The following PCM1 variants were observed in gnomAD, a reference collection of about 807,000 sequenced individuals.
PCM1 encodes pericentriolar material 1 protein.
In PCM1, 157 loss-of-function variants were observed where a neutral mutation model predicts 241.9. The observed-to-expected ratio is 0.65, with a 90% CI of 0.57 to 0.74. The LOEUF (loss-of-function observed/expected upper bound fraction) is 0.74, where lower values mean the gene tolerates loss of function less well. Ranked by LOEUF, PCM1 falls within the 30% of genes least tolerant of loss-of-function variation. The pLI, the probability that PCM1 is intolerant of heterozygous loss-of-function variation, is 0.00. For missense variants in PCM1, 3,478 were observed against 2,360.1 expected, an observed-to-expected ratio of 1.47 and a Z score of -9.81; for synonymous variants, 1,085 against 784.9, an observed-to-expected ratio of 1.38 and a Z score of -6.39.
intron 36 of PCM1, among the ~76,000 whole-genome samples, chr8:18,016,163 C>T (rs2129486643): frequency 6.6e-6 from 1 of 152,286 alleles, no homozygotes; most frequent in East Asian, 1.9e-4. Flanking sequence ...GCTGGGATTA[C>T]AGGCGTGAGC....
chr8:17,954,850 A>C (rs1439277290), intron 9 of PCM1, among the ~76,000 whole-genome samples: 2 of 152,318 alleles, frequency 1.3e-5, no homozygotes, highest in Admixed American at 1.3e-4. Flanking sequence ...AGGATTAGCC[A>C]TTATCTAAAT....
chr8:17,956,487 T>A (rs2068555995), intron 10 of PCM1, 117 bp from the exon 11 acceptor site: 1 of 645,036 alleles, frequency 1.6e-6, no homozygotes, highest in African/African-American at 1.8e-5. Flanking sequence ...GTTCACTAGG[T>A]GGATATTCCA....
In PCM1 at chr8:17,949,864, C is replaced by G. The variant is rs572044521; in HGVS notation, c.962-751C>G. On this transcript the variant is annotated intron_variant, in intron 7 of 38. Transcript: ENST00000325083. The stretch of plus-strand genomic sequence containing the variant: ...AGGATGGAGTTATTTGTTAGTAGAA[C>G]AGTGACTATCATGAAAATTGTTGTC... Among the ~76,000 whole-genome samples the G allele has an allele frequency of 6.4e-4, 98 of 152,294 alleles. 2 individuals are homozygous for G. In the South Asian group the frequency reaches 0.02, roughly 32 times the overall value.
intron 6 of PCM1, 120 bp from the exon 7 acceptor site, chr8:17,947,066 T>G: frequency 1.7e-6 from 1 of 574,774 alleles, no homozygotes; most frequent in Non-Finnish European, 3.0e-6. Flanking sequence ...CTACTAAAAC[T>G]ATATTTAGGG....
intron 21 of PCM1, among the ~76,000 whole-genome samples, chr8:17,968,953 C>T (rs2075977037): frequency 6.6e-6 from 1 of 151,860 alleles, no homozygotes; most frequent in Admixed American, 6.6e-5. Flanking sequence ...ACTTCATACC[C>T]ACACCAACTC....
chr8:17,999,444 TA>T (rs982849836), intron 29 of PCM1, among the ~76,000 whole-genome samples: 4 of 152,120 alleles, frequency 2.6e-5, no homozygotes, highest in Non-Finnish European at 5.9e-5. Flanking sequence ...AGAGTGTATC[TA>T]AAAATGTCAT....
chr8:18,014,487 G>C (rs2092927741), intron 35 of PCM1, 97 bp from the exon 36 acceptor site: 2 of 933,560 alleles, frequency 2.1e-6, no homozygotes, highest in Non-Finnish European at 3.0e-6. Flanking sequence ...TAAATATCTT[G>C]ATTGCTCTTA....
intron 24 of PCM1, among the ~76,000 whole-genome samples, chr8:17,980,994 C>A (rs117023107): frequency 0.017 from 2,591 of 152,232 alleles, 42 homozygotes; most frequent in South Asian, 0.044. Context: ...AGGATAGTTA[C>A]AATTGTGGAA....
intron 14 of PCM1, 50 bp downstream of exon 14, chr8:17,960,215 G>T (rs565268432): frequency 6.4e-7 from 1 of 1,555,004 alleles, no homozygotes; most frequent in Admixed American, 2.0e-5. Flanking sequence ...TTTAGTGCCT[G>T]TTTTGGAGAA....
intron 36 of PCM1, 59 bp downstream of exon 36, chr8:18,014,899 A>ATTTTCAG: frequency 7.1e-7 from 1 of 1,412,640 alleles, no homozygotes. Flanking sequence ...ATATTTCTTC[A>ATTTTCAG]TTTTCAGATT....
At chr8:18,004,952 T>G (rs756539648) in intron 29 of PCM1, among the ~76,000 whole-genome samples, 7 of 152,180 alleles carry the variant, frequency 4.6e-5, no homozygotes, top group Non-Finnish European at 1.0e-4. Flanking sequence ...CTAGCTACTC[T>G]CCATCTAGGT....
chr8:17,941,486 A>G (rs909469305), intron 6 of PCM1, among the ~76,000 whole-genome samples: 1 of 151,458 alleles, frequency 6.6e-6, no homozygotes, highest in African/African-American at 2.4e-5. Context: ...TTAAAAGACT[A>G]AATATACTGC....
rs377224854 is a variant in PCM1, at chr8:17,973,467, C to T, written c.3943+780C>T. Among the ~76,000 whole-genome samples the T allele has an allele frequency of 9.9e-5, 15 of 152,100 alleles. 1 individual carries two copies. In the East Asian group the frequency reaches 2.3e-3, roughly 23 times the overall value. ...GTTGCGGTGGCTCATGCCTGTAATC[C>T]CAGCACTTTGGGAGGCTGAGGCAGG... is the stretch of plus-strand genomic sequence containing the variant. On this transcript the variant is annotated intron_variant, in intron 23 of 38. Transcript: ENST00000325083.
chr8:17,950,301 C>T (rs2065541703), intron 7 of PCM1, among the ~76,000 whole-genome samples: 1 of 152,216 alleles, frequency 6.6e-6, no homozygotes, highest in Non-Finnish European at 1.5e-5. Flanking sequence ...CTTTCCCTTT[C>T]ACTCCTCACT....
intron 23 of PCM1, among the ~76,000 whole-genome samples, chr8:17,973,082 A>G (rs2077392612): frequency 6.6e-6 from 1 of 152,154 alleles, no homozygotes; most frequent in Non-Finnish European, 1.5e-5. Flanking sequence ...GTGGGCTTCT[A>G]AATACATTGC....
Position 18,011,779 on chromosome 8 carries a change from C to T in PCM1, c.5463C>T (p.Ser1821=). ...FEEGPVDVQT[S]LQANTEATEE... is the part of the protein sequence containing the mutation. ...AAGGCCCTGTGGATGTCCAGACTTCCCTCCAGGCTAACACTGAAGCTACTG... is the reference window on the plus strand; with the variant it reads ...AAGGCCCTGTGGATGTCCAGACTTCTCTCCAGGCTAACACTGAAGCTACTG... The change falls in exon 34 of 39, where the codon TCC becomes TCT. Residue 1821 remains serine (S), a synonymous_variant. Coordinates refer to ENST00000325083, the MANE Select transcript of PCM1 (RefSeq NM_006197.4). The T allele has an allele frequency of 6.2e-7, 1 of 1,613,578 alleles. No homozygotes were observed. The highest frequency in any genetic ancestry group is 8.5e-7 in the Non-Finnish European group (1 of 1,179,732).
chr8:17,932,715 T>C (rs1416729448), intron 2 of PCM1, among the ~76,000 whole-genome samples: 1 of 152,148 alleles, frequency 6.6e-6, no homozygotes, highest in African/African-American at 2.4e-5. Flanking sequence ...GAACTTTTTA[T>C]TTTTTATTTC....
chr8:18,023,258 T>C (rs1319535780), intron 36 of PCM1, among the ~76,000 whole-genome samples: 2 of 152,208 alleles, frequency 1.3e-5, no homozygotes, highest in Non-Finnish European at 2.9e-5. Flanking sequence ...GGTTGTGAAA[T>C]TCTTAATCTG....
intron 10 of PCM1, 87 bp downstream of exon 10, chr8:17,955,740 C>T (rs565245949): frequency 9.9e-5 from 99 of 996,624 alleles, no homozygotes; most frequent in Admixed American, 4.0e-4. Context: ...TTCTGCAAAA[C>T]GAGATTTATT....
Sources: allele counts gnomAD v4.1 joint callset (sites outside exome capture counted in the v4.1 genomes callset), GRCh38; gene constraint gnomAD v4.1.1; transcripts MANE v1.5; gene names NCBI Gene and HGNC (gene_info 2026-07-23, HGNC 2026-07-21).